Variants in CDC42BPB observed in about 807,000 individuals in gnomAD.
CDC42BPB encodes serine/threonine-protein kinase MRCK beta.
A neutral mutation model predicts 214.9 loss-of-function variants in CDC42BPB; 37 were observed. The ratio of observed to expected loss-of-function variants is 0.17; its 90% CI spans 0.13 to 0.23. The LOEUF (loss-of-function observed/expected upper bound fraction) is 0.23, where lower values mean the gene tolerates loss of function less well. Among genes scored for constraint, CDC42BPB ranks in the 10% least tolerant of loss-of-function variants. CDC42BPB has a pLI of 1.00. For synonymous variants in CDC42BPB, 931 were observed against 884.0 expected, an observed-to-expected ratio of 1.05 and a Z score of -0.94; for missense variants, 1,694 against 2,227.0, an observed-to-expected ratio of 0.76 and a Z score of 4.82.
At chr14:103,054,477 G>C (rs1006141515) in intron 1 of CDC42BPB, among the ~76,000 whole-genome samples, 1 of 152,152 alleles carries the variant, frequency 6.6e-6, no homozygotes, top group African/African-American at 2.4e-5. Context: ...GGAAGTTAGA[G>C]TACCTAATAT....
intron 17 of CDC42BPB, 65 bp downstream of exon 17, chr14:102,966,981 C>T (rs1051835046): frequency 9.0e-6 from 14 of 1,557,946 alleles, no homozygotes; most frequent in East Asian, 6.8e-5. Flanking sequence ...GCAGAAGAGG[C>T]GGGGCAGACC....
chr14:102,958,138 G>A (rs1363623805), intron 21 of CDC42BPB, among the ~76,000 whole-genome samples: 1 of 152,236 alleles, frequency 6.6e-6, no homozygotes, highest in Admixed American at 6.5e-5. Flanking sequence ...GGAAAAGCCA[G>A]CAGGAAAGGG....
At position 103,004,771 on chromosome 14, in the gene CDC42BPB, A is replaced by T. The variant is rs987466150; in HGVS notation, c.352-748T>A. On this transcript the variant is annotated intron_variant, in intron 3 of 36. Coordinates refer to ENST00000361246, the MANE Select transcript of CDC42BPB (RefSeq NM_006035.4). This position sits in a 1 kb window ranked among gnomAD's most constrained non-coding sequence, Gnocchi z 5.3. ...GTAATCCCAGCTACATGGGAGGCTG[A>T]GGGGGGAGAACTGCTTGAGCCCAGG... Among the ~76,000 whole-genome samples, 2 of 151,992 alleles carry T rather than the reference A, an allele frequency of 1.3e-5. No homozygotes were observed. Among genetic ancestry groups the T allele is most frequent in the Non-Finnish European group, 2.9e-5 (2 of 67,994 alleles).
chr14:103,044,494 T>C (rs796251647), intron 1 of CDC42BPB, among the ~76,000 whole-genome samples: 15 of 151,260 alleles, frequency 9.9e-5, no homozygotes, highest in African/African-American at 3.6e-4. Flanking sequence ...CTCAGCCTCC[T>C]GAGTAGCTGG....
At chr14:103,021,257 G>A (rs536380856) in intron 1 of CDC42BPB, among the ~76,000 whole-genome samples, 9 of 152,282 alleles carry the variant, frequency 5.9e-5, no homozygotes, top group East Asian at 1.9e-4. Context: ...TCAGGAGATC[G>A]AGACCATCCT....
At chr14:102,940,422 A>C (rs1036373682) in intron 30 of CDC42BPB, 98 bp from the exon 31 acceptor site, 13 of 1,532,764 alleles carry the variant, frequency 8.5e-6, no homozygotes, top group African/African-American at 1.4e-5. Context: ...ACAAGTGCAG[A>C]GGCGGCAGCA....
At chr14:102,952,846 A>G in intron 23 of CDC42BPB, 1 of 563,940 alleles carries the variant, frequency 1.8e-6, no homozygotes, top group Non-Finnish European at 2.2e-6. Flanking sequence ...CACTGCTACC[A>G]AAAAGCGAGG....
At chr14:102,991,237 T>C (rs981197203) in intron 5 of CDC42BPB, among the ~76,000 whole-genome samples, 3 of 152,122 alleles carry the variant, frequency 2.0e-5, no homozygotes, top group East Asian at 3.9e-4. Flanking sequence ...AAGGACACAA[T>C]ATAGCTATAC....
chr14:103,014,259 C>T (rs1472525136), intron 1 of CDC42BPB, among the ~76,000 whole-genome samples: 1 of 152,022 alleles, frequency 6.6e-6, no homozygotes, highest in African/African-American at 2.4e-5. Context: ...CTGGAGCCCA[C>T]ACTGTCTGAC....
intron 1 of CDC42BPB, among the ~76,000 whole-genome samples, chr14:103,055,340 T>C (rs1233381313): frequency 5.9e-5 from 9 of 152,180 alleles, no homozygotes; most frequent in African/African-American, 1.2e-4. Context: ...GGAGAATTAC[T>C]TGAACCCAGG....
Position 102,943,930 on chromosome 14 carries a change from C to T in CDC42BPB, c.4369G>A (p.Ala1457Thr), listed in dbSNP as rs564119735. The T allele has an allele frequency of 3.2e-5, 52 of 1,612,414 alleles. No homozygotes were observed. The highest frequency in any genetic ancestry group is 3.1e-4 in the South Asian group (28 of 91,072). Residue 1457 changes from alanine (A) to threonine (T), a missense_variant, in exon 30 of 37, where the codon GCG (alanine) becomes ACG (threonine). By Grantham distance (58) the Ala-to-Thr change is moderately conservative. This residue lies in a region of CDC42BPB where 567 missense variants were observed against 790.3 expected (regional missense o/e 0.72). Coordinates refer to ENST00000361246, the MANE Select transcript of CDC42BPB (RefSeq NM_006035.4). This position sits in a 1 kb window ranked among gnomAD's most constrained non-coding sequence, Gnocchi z 4.6. ...YVDPQGRRAR[A>T]QELMWPAAPV... ...GCCGCAGGCCACATGAGCTCCTGCG[C>T]GCGTGCCCTCCGGCCTTGCGGGTCC...
intron 1 of CDC42BPB, among the ~76,000 whole-genome samples, chr14:103,031,461 G>T (rs541131085): frequency 6.6e-6 from 1 of 152,166 alleles, no homozygotes; most frequent in Non-Finnish European, 1.5e-5. Flanking sequence ...AGGACATCTA[G>T]CTTTGTGCAG....
At chr14:103,045,071 G>A (rs1888216471) in intron 1 of CDC42BPB, among the ~76,000 whole-genome samples, 1 of 150,138 alleles carries the variant, frequency 6.7e-6, no homozygotes, top group Admixed American at 6.6e-5. Flanking sequence ...AATAAATATT[G>A]AAAAATAAAT....
At position 102,932,414 on chromosome 14, in the gene CDC42BPB, G is replaced by A. The variant is rs887517952; in HGVS notation, c.*1298C>T. 6 of 152,216 alleles carry A rather than the reference G, an allele frequency of 3.9e-5. No individual in the cohort carries two copies. The highest frequency in any genetic ancestry group is 7.2e-5 in the African/African-American group (3 of 41,394). The allele number at this position is 152,216 out of a possible 1,614,324, so 9.4% of individuals were successfully genotyped here. A position where few individuals can be genotyped will look rare whatever the true frequency, so the allele number is the denominator to read the frequency against. On this transcript the variant is annotated 3_prime_UTR_variant, in exon 37 of 37. Coordinates refer to ENST00000361246, the MANE Select transcript of CDC42BPB (RefSeq NM_006035.4). ...ACTGCCGTCTTCTGCTTTATTGACA[G>A]GTAAATTGTTCAAAAATGTTCTCAC...
intron 4 of CDC42BPB, among the ~76,000 whole-genome samples, chr14:103,000,646 A>G (rs1273733368): frequency 4.6e-5 from 7 of 152,260 alleles, no homozygotes; most frequent in African/African-American, 1.7e-4. Context: ...TGGTCTGGAC[A>G]GCTAGCTTTT....
At chr14:102,945,157 A>G (rs1595451507) in intron 29 of CDC42BPB, 2 of 441,852 alleles carry the variant, frequency 4.5e-6, no homozygotes, top group Non-Finnish European at 9.2e-6. Context: ...GTCTGTCGGG[A>G]AAGGACTATG....
chr14:102,975,442 G>A (rs1243401547), intron 11 of CDC42BPB, among the ~76,000 whole-genome samples: 1 of 152,168 alleles, frequency 6.6e-6, no homozygotes, highest in Non-Finnish European at 1.5e-5. Flanking sequence ...AGAATCGCTT[G>A]AACCCAGGAG....
At chr14:103,031,987 ATTATT>A (rs1344377214) in intron 1 of CDC42BPB, among the ~76,000 whole-genome samples, 5,102 of 145,978 alleles carry the variant, frequency 0.035, 267 homozygotes, top group African/African-American at 0.13. Context: ...TATTATTATT[ATTATT>A]TTTTTTTTTT....
At chr14:102,947,842 G>C in intron 26 of CDC42BPB, 40 bp from the exon 27 acceptor site, 1 of 1,609,392 alleles carries the variant, frequency 6.2e-7, no homozygotes, top group Non-Finnish European at 8.5e-7. Context: ...GGAGACACGC[G>C]CACAGGACCC....
Sources: allele counts gnomAD v4.1 joint callset (sites outside exome capture counted in the v4.1 genomes callset), GRCh38; gene constraint gnomAD v4.1.1; regional missense constraint gnomAD v4.1.1; non-coding constraint Gnocchi (gnomAD v3.1); transcripts MANE v1.5; gene names NCBI Gene and HGNC (gene_info 2026-07-23, HGNC 2026-07-21).